The following VKORC1L1 variants were observed in gnomAD, a reference collection of about 807,000 sequenced individuals.
VKORC1L1 encodes vitamin K epoxide reductase complex subunit 1L1.
VKORC1L1 carries 2 observed loss-of-function variants against 18.9 expected under a neutral mutation model. That is an observed-to-expected ratio of 0.11 (90% CI 0.04 to 0.33). The LOEUF is 0.33. Among genes scored for constraint, VKORC1L1 ranks in the 10% least tolerant of loss-of-function variants. The pLI, the probability that VKORC1L1 is intolerant of heterozygous loss-of-function variation, is 1.00. For missense variants in VKORC1L1, 123 were observed against 224.1 expected, an observed-to-expected ratio of 0.55 and a Z score of 2.88; for synonymous variants, 96 against 100.0, an observed-to-expected ratio of 0.96 and a Z score of 0.24.
intron 2 of VKORC1L1, among the ~76,000 whole-genome samples, chr7:65,951,639 C>T (rs1197099896): frequency 3.3e-5 from 5 of 151,922 alleles, no homozygotes; most frequent in East Asian, 1.9e-4. Context: ...TATCCCACCC[C>T]TTCCCTTTAT....
intron 1 of VKORC1L1, among the ~76,000 whole-genome samples, chr7:65,915,205 C>T (rs1789567333): frequency 6.6e-6 from 1 of 150,828 alleles, no homozygotes; most frequent in South Asian, 2.1e-4. Context: ...CATTCTCCTG[C>T]CTCAGCCTCC....
chr7:65,936,289 G>C (rs1431115812), intron 1 of VKORC1L1, among the ~76,000 whole-genome samples: 1 of 151,954 alleles, frequency 6.6e-6, no homozygotes, highest in African/African-American at 2.4e-5. Context: ...GTTGACATCT[G>C]TTCATCATCG....
At chr7:65,904,971 G>A (rs1789380657) in intron 1 of VKORC1L1, among the ~76,000 whole-genome samples, 1 of 151,664 alleles carries the variant, frequency 6.6e-6, no homozygotes, top group South Asian at 2.1e-4. Flanking sequence ...TACATATTAT[G>A]TATATATACA....
At chr7:65,948,811 G>T (rs758771067) in intron 2 of VKORC1L1, 31 bp downstream of exon 2, 35 of 921,910 alleles carry the variant, frequency 3.8e-5, no homozygotes, top group Non-Finnish European at 5.6e-5. Flanking sequence ...AAATAAGTTT[G>T]TTATATTCCG....
rs1010109461 is a variant in VKORC1L1, at chr7:65,957,157, T to C, written c.*2857T>C. On this transcript the variant is annotated 3_prime_UTR_variant, in exon 3 of 3. Transcript: ENST00000360768. ...CCTTAAATTCATTACTTTCAAATGA[T>C]GTTCAAAGCATTGACTATTTTCATT... 1 of 152,254 alleles carries C rather than the reference T, an allele frequency of 6.6e-6. No homozygotes were observed. The highest frequency in any genetic ancestry group is 1.5e-5 in the Non-Finnish European group (1 of 68,040). The allele number at this position is 152,254 out of a possible 1,614,324, so 9.4% of individuals were successfully genotyped here. A position where few individuals can be genotyped will look rare whatever the true frequency, so the allele number is the denominator to read the frequency against.
rs564971290 is a variant in VKORC1L1 at position 65,878,886 on chromosome 7, TGACAGAGTGA to T, written c.194+5325_194+5334del. 2.6e-5 allele frequency among the ~76,000 whole-genome samples: 4 copies of T among 152,262 alleles called. No individual in the cohort carries two copies. The South Asian group carries it at 8.3e-4, about 32-fold the overall frequency. On this transcript the variant is annotated intron_variant, in intron 1 of 2. Transcript: ENST00000360768. ...TCGTGCCACTGCACTCCAGACTGGG[TGACAGAGTGA>T]GACTCTGTCTCAAAAAAAAAGAAAA...
chr7:65,875,063 A>G (rs368589866), intron 1 of VKORC1L1, among the ~76,000 whole-genome samples: 14 of 152,328 alleles, frequency 9.2e-5, no homozygotes, highest in East Asian at 7.7e-4. Context: ...AGCTGTGGAC[A>G]TAAAATAGTT....
intron 1 of VKORC1L1, among the ~76,000 whole-genome samples, chr7:65,883,343 G>T (rs1437845568): frequency 6.6e-6 from 1 of 151,738 alleles, no homozygotes; most frequent in African/African-American, 2.4e-5. Context: ...TAGAGACGGG[G>T]TTTCACCATG....
chr7:65,867,773 A>T, the VKORC1L1 span, among the ~76,000 whole-genome samples: 10,792 of 152,134 alleles, frequency 0.071, 1,257 homozygotes, highest in African/African-American at 0.24. Context: ...CCAGTCACAG[A>T]CCTTCTTGAA....
At chr7:65,934,759 T>C (rs1789913329) in intron 1 of VKORC1L1, among the ~76,000 whole-genome samples, 1 of 151,846 alleles carries the variant, frequency 6.6e-6, no homozygotes, top group African/African-American at 2.4e-5. Context: ...CTTTAGATAT[T>C]AAAAAAAAGT....
intron 1 of VKORC1L1, among the ~76,000 whole-genome samples, chr7:65,900,206 G>T (rs1471148468): frequency 6.6e-6 from 1 of 150,484 alleles, no homozygotes; most frequent in African/African-American, 2.4e-5. Flanking sequence ...TGGCTAACAC[G>T]GTGAAACCTC....
Position 65,947,023 on chromosome 7 carries a change from G to A in VKORC1L1, c.195-1648G>A, listed in dbSNP as rs571059817. Among the ~76,000 whole-genome samples, 5 of 152,052 alleles carry A rather than the reference G, an allele frequency of 3.3e-5. No homozygotes were observed. In the South Asian group the frequency reaches 6.2e-4, roughly 19 times the overall value. On this transcript the variant is annotated intron_variant, in intron 1 of 2. Transcript: ENST00000360768. ...TATATAGCTGGGTGTGGTAGTCTCA[G>A]CTACTTCGGGAGGCTGAGGCAGGAG...
Position 65,939,552 on chromosome 7 carries a change from G to A in VKORC1L1, c.195-9119G>A, listed in dbSNP as rs149693701. ...ACCTATAAAGAGAAAAAACTTTGGA[G>A]GCAGAAGCTCTGGCCCCTATGGTGG... On this transcript the variant is annotated intron_variant, in intron 1 of 2. Coordinates refer to ENST00000360768, the MANE Select transcript of VKORC1L1 (RefSeq NM_173517.6). 6.4e-3 allele frequency among the ~76,000 whole-genome samples: 979 copies of A among 152,348 alleles called. 18 individuals are homozygous for A. The highest frequency in any genetic ancestry group is 0.036 in the Admixed American group (548 of 15,294).
At chr7:65,912,436 C>T (rs1789517162) in intron 1 of VKORC1L1, among the ~76,000 whole-genome samples, 1 of 152,194 alleles carries the variant, frequency 6.6e-6, no homozygotes, top group Non-Finnish European at 1.5e-5. Context: ...TGTAACATCC[C>T]GTGTTTCTCA....
intron 1 of VKORC1L1, among the ~76,000 whole-genome samples, chr7:65,882,490 A>C (rs555395877): frequency 5.6e-4 from 85 of 152,018 alleles, no homozygotes; most frequent in Middle Eastern, 3.2e-3. Context: ...ATTATCTATA[A>C]TGCTTACACC....
At chr7:65,905,304 TTTTTTTTA>T (rs1044325097) in intron 1 of VKORC1L1, among the ~76,000 whole-genome samples, 4 of 151,914 alleles carry the variant, frequency 2.6e-5, no homozygotes, top group East Asian at 1.9e-4. Flanking sequence ...GGCGTGGTTA[TTTTTTTTA>T]TTTTTTTATT....
chr7:65,942,520 A>G (rs1031553291), intron 1 of VKORC1L1, among the ~76,000 whole-genome samples: 13 of 149,090 alleles, frequency 8.7e-5, no homozygotes, highest in Non-Finnish European at 1.5e-4. Flanking sequence ...AGACTTGTTG[A>G]ATTTTTTTCT....
intron 1 of VKORC1L1, among the ~76,000 whole-genome samples, chr7:65,879,292 A>G (rs1325125004): frequency 2.0e-5 from 3 of 152,182 alleles, no homozygotes; most frequent in Non-Finnish European, 4.4e-5. Flanking sequence ...TTTCAGAAAT[A>G]AAATTCTTAA....
At chr7:65,894,693 A>G (rs1192755998) in intron 1 of VKORC1L1, among the ~76,000 whole-genome samples, 1 of 152,184 alleles carries the variant, frequency 6.6e-6, no homozygotes, top group African/African-American at 2.4e-5. Context: ...GCACCACTGC[A>G]CTCCAGCCTG....
Sources: gnomAD v4.1 joint callset for allele counts (sites outside exome capture counted in the v4.1 genomes callset) on GRCh38, gnomAD v4.1.1 for gene constraint, MANE v1.5 for transcripts, NCBI Gene and HGNC (gene_info 2026-07-23, HGNC 2026-07-21) for gene names.